Variants in BCS1L observed in about 807,000 individuals in gnomAD.
The protein encoded by BCS1L is mitochondrial chaperone BCS1.
A neutral mutation model predicts 49.3 loss-of-function variants in BCS1L; 38 were observed. The ratio of observed to expected loss-of-function variants is 0.77; its 90% CI spans 0.59 to 1.01. The LOEUF is 1.01. BCS1L is among the 50% of genes least tolerant of loss of function. The probability of loss-of-function intolerance (pLI) is 0.00; values close to 1 mark genes in which losing one functional copy is unlikely to be tolerated. For synonymous variants in BCS1L, 193 were observed against 210.1 expected (o/e 0.92, Z 0.70); for missense variants, 394 against 540.2 (o/e 0.73, Z 2.68).
chr2:218,662,402 A>G lies in BCS1L; in HGVS notation c.720-108A>G. Reference sequence around the variant, plus strand: ...CGTGTGGAACATCAGGGTGTGAGGTAGAAGTCAGGCCTCTGAGACACATGT... The same window carrying G: ...CGTGTGGAACATCAGGGTGTGAGGTGGAAGTCAGGCCTCTGAGACACATGT... On this transcript the variant is annotated intron_variant, in intron 5 of 7. Transcript: ENST00000359273. The surrounding 1 kb of genome is among the most constrained non-coding windows in gnomAD (Gnocchi z 5.8). 1 of 1,516,004 alleles carries G rather than the reference A, an allele frequency of 6.6e-7. No homozygotes were observed. The highest frequency in any genetic ancestry group is 1.1e-5 in the South Asian group (1 of 88,820). The allele number at this position is 1,516,004 out of a possible 1,614,324, so 93.9% of individuals were successfully genotyped here.
chr2:218,662,442 G>A lies in BCS1L; in HGVS notation c.720-68G>A, dbSNP rs1341230771. 6 of 1,597,862 alleles carry A rather than the reference G, an allele frequency of 3.8e-6. No individual in the cohort carries two copies. Among genetic ancestry groups the A allele is most frequent in the African/African-American group, 1.3e-5 (1 of 74,592 alleles). Reference sequence around the variant, plus strand: ...GAGACACATGTCCCCAGGCGGTGAGGAGAGTAGCTGGGCCTGAGGAAGCAT... The same window carrying A: ...GAGACACATGTCCCCAGGCGGTGAGAAGAGTAGCTGGGCCTGAGGAAGCAT... On this transcript the variant is annotated intron_variant, in intron 5 of 7. Transcript: ENST00000359273. The surrounding 1 kb of genome is among the most constrained non-coding windows in gnomAD (Gnocchi z 5.8).
Position 218,661,468 on chromosome 2 carries a change from C to G in BCS1L, c.383C>G (p.Thr128Arg). 1 of 1,614,154 alleles carries G rather than the reference C, an allele frequency of 6.2e-7. No homozygotes were observed. The highest frequency in any genetic ancestry group is 1.1e-5 in the South Asian group (1 of 91,086). The change falls in exon 3 of 8, where the codon ACG becomes AGG. Residue 128 changes from threonine (T) to arginine (R), a missense_variant. By Grantham distance (71) the Thr-to-Arg change is moderately conservative. Coordinates refer to ENST00000359273, the MANE Select transcript of BCS1L (RefSeq NM_001079866.2). This position sits in a 1 kb window ranked among gnomAD's most constrained non-coding sequence, Gnocchi z 5.9. ...GAGATGCAGATGATAGACTTGCAGACGGGGACTCCTTGGGAATCTGTCACC... is the reference window on the plus strand; with the variant it reads ...GAGATGCAGATGATAGACTTGCAGAGGGGGACTCCTTGGGAATCTGTCACC... Reference protein sequence around the residue: ...SREMQMIDLQTGTPWESVTFT... With the variant: ...SREMQMIDLQRGTPWESVTFT...
Position 218,662,908 on chromosome 2 carries a change from T to G in BCS1L, c.915T>G (p.Gly305=), listed in dbSNP as rs1438039500. Residue 305 remains glycine (G), a synonymous_variant, in exon 7 of 8, where the codon GGT becomes GGG. Transcript: ENST00000359273. This position sits in a 1 kb window ranked among gnomAD's most constrained non-coding sequence, Gnocchi z 5.8. ...ACCCAGTAAAGTACCAAGGCCTAGG[T>G]CGCCTCACCTTCAGTGGACTGCTCA... ...VENPVKYQGL[G]RLTFSGLLNA... 6.2e-7 allele frequency: 1 copy of G among 1,614,066 alleles called. No homozygotes were observed. The highest frequency in any genetic ancestry group is 1.7e-5 in the Admixed American group (1 of 60,016).
Position 218,663,358 on chromosome 2 carries a change from T to C in BCS1L, c.1232T>C (p.Ile411Thr). 6.2e-7 allele frequency: 1 copy of C among 1,614,134 alleles called. No homozygotes were observed. Among genetic ancestry groups the C allele is most frequent in the Non-Finnish European group, 8.5e-7 (1 of 1,180,036 alleles). ...MLYKNDPVGA[I>T]HNAESLRR ...TATAAAAATGACCCTGTAGGGGCAA[T>C]TCACAATGCTGAGTCTCTGAGGAGG... The change falls in exon 8 of 8, where the codon ATT (isoleucine) becomes ACT (threonine). Residue 411 changes from isoleucine (I) to threonine (T), a missense_variant. Coordinates refer to ENST00000359273, the MANE Select transcript of BCS1L (RefSeq NM_001079866.2).
chr2:218,661,272 T>C lies in BCS1L; in HGVS notation c.285T>C (p.Phe95=). The C allele has an allele frequency of 6.2e-7, 1 of 1,614,218 alleles. No individual in the cohort carries two copies. Residue 95 remains phenylalanine, a synonymous_variant, in exon 2 of 8, where the codon TTT becomes TTC. Coordinates refer to ENST00000359273, the MANE Select transcript of BCS1L (RefSeq NM_001079866.2). This position sits in a 1 kb window ranked among gnomAD's most constrained non-coding sequence, Gnocchi z 5.9. ...QHESGRISTK[F]EFVPSPGNHF... is the part of the protein sequence containing the mutation. The stretch of plus-strand genomic sequence containing the variant: ...AGAGTGGCCGCATTTCCACTAAGTT[T>C]GAATTTGTCCCCAGCCCTGGAAACC...
Position 218,662,735 on chromosome 2 carries a change from A to C in BCS1L, c.889+56A>C. 1 of 1,613,114 alleles carries C rather than the reference A, an allele frequency of 6.2e-7. No homozygotes were observed. The highest frequency in any genetic ancestry group is 8.5e-7 in the Non-Finnish European group (1 of 1,179,408). On this transcript the variant is annotated intron_variant, in intron 6 of 7. Transcript: ENST00000359273. The surrounding 1 kb of genome is among the most constrained non-coding windows in gnomAD (Gnocchi z 5.8). Reference sequence around the variant, plus strand: ...GGGTAACTGTGGAACAGGGGAAGAAAGCAGAAATCCAGAGGGCTGGTGGAA... The same window carrying C: ...GGGTAACTGTGGAACAGGGGAAGAACGCAGAAATCCAGAGGGCTGGTGGAA...
Position 218,661,644 on chromosome 2 carries a change from G to C in BCS1L, c.460+99G>C, listed in dbSNP as rs1939460026. 3 of 1,582,426 alleles carry C rather than the reference G, an allele frequency of 1.9e-6. No individual in the cohort carries two copies. The highest frequency in any genetic ancestry group is 2.6e-6 in the Non-Finnish European group (3 of 1,163,832). ...GGAGAAGTGGAATAAGCAGGCCGGG[G>C]TGAGCCCATGGGAACAGGGGGCCAG... On this transcript the variant is annotated intron_variant, in intron 3 of 7. Transcript: ENST00000359273. The surrounding 1 kb of genome is among the most constrained non-coding windows in gnomAD (Gnocchi z 5.9).
chr2:218,661,796 C>T lies in BCS1L; in HGVS notation c.498C>T (p.Thr166=), dbSNP rs144714144. The T allele has an allele frequency of 2.4e-5, 38 of 1,611,456 alleles. No homozygotes were observed. Among genetic ancestry groups the T allele is most frequent in the East Asian group, 6.7e-5 (3 of 44,832 alleles). Residue 166 remains threonine (T), a synonymous_variant, in exon 4 of 8, where the codon ACC becomes ACT. Coordinates refer to ENST00000359273, the MANE Select transcript of BCS1L (RefSeq NM_001079866.2). The surrounding 1 kb of genome is among the most constrained non-coding windows in gnomAD (Gnocchi z 5.9). ...CCTTGCAGCAGGAGGAAGGGAAGAC[C>T]GTGATGTACACAGCTGTGGGCTCTG... ...ELALQQEEGK[T]VMYTAVGSEW...
rs745537383 is a variant in BCS1L, at chr2:218,661,751, C to T, written c.461-8C>T. ...ATTATTGGCTTTATCTCATCTTCTC[C>T]TTCCCAGCTCGAGAGCTAGCCTTGC... On this transcript the variant is annotated splice_region_variant and splice_polypyrimidine_tract_variant and intron_variant, in intron 3 of 7. Transcript: ENST00000359273. This position sits in a 1 kb window ranked among gnomAD's most constrained non-coding sequence, Gnocchi z 5.9. The T allele has an allele frequency of 6.2e-7, 1 of 1,608,454 alleles. No individual in the cohort carries two copies. Among genetic ancestry groups the T allele is most frequent in the Admixed American group, 1.7e-5 (1 of 59,736 alleles).
Position 218,661,693 on chromosome 2 carries a change from C to T in BCS1L, c.461-66C>T. 6.3e-7 allele frequency: 1 copy of T among 1,588,574 alleles called. No individual in the cohort carries two copies. Among genetic ancestry groups the T allele is most frequent in the Non-Finnish European group, 8.6e-7 (1 of 1,165,688 alleles). On this transcript the variant is annotated intron_variant, in intron 3 of 7. Coordinates refer to ENST00000359273, the MANE Select transcript of BCS1L (RefSeq NM_001079866.2). This position sits in a 1 kb window ranked among gnomAD's most constrained non-coding sequence, Gnocchi z 5.9. The stretch of plus-strand genomic sequence containing the variant: ...AGAAGGAAGCTGTTTGGCACAGCTC[C>T]ACCTAATTGAAGAATCAGCCATGGT...
Position 218,662,596 on chromosome 2 carries a change from TG to T in BCS1L, c.807del (p.Leu270Ter). 1 of 1,614,208 alleles carries T rather than the reference TG, an allele frequency of 6.2e-7. No individual in the cohort carries two copies. The highest frequency in any genetic ancestry group is 8.5e-7 in the Non-Finnish European group (1 of 1,180,032). ...SSLSDDRLNH[L>X]LSVAPQQSLV... ...CTCTCTGATGACCGACTCAACCACC[TG>T]CTGAGCGTGGCCCCGCAGCAGAGCC... On this transcript the variant is annotated frameshift_variant, in exon 6 of 8. Transcript: ENST00000359273. LOFTEE classifies it high-confidence loss of function. This position sits in a 1 kb window ranked among gnomAD's most constrained non-coding sequence, Gnocchi z 5.8.
chr2:218,663,440 ACTACT>A, exon 8 of BCS1L: 1 of 1,609,038 alleles, frequency 6.2e-7, no homozygotes, highest in African/African-American at 1.3e-5. Context: ...CATCTGCCAC[ACTACT>A]CTGCTCTCTC....
At position 218,661,531 on chromosome 2, in the gene BCS1L, A is replaced by G. The variant is rs767694386; in HGVS notation, c.446A>G (p.Asn149Ser). The G allele has an allele frequency of 6.2e-7, 1 of 1,614,180 alleles. No homozygotes were observed. The part of the protein sequence containing the change: ...ALGTDRKVFF[N>S]ILEEARELAL... ...GGCACTGACCGAAAGGTTTTCTTCA[A>G]CATCCTGGAGGAAGGTGTGGGATGG... Residue 149 changes from asparagine to serine, a missense_variant, in exon 3 of 8, where the codon AAC becomes AGC. Coordinates refer to ENST00000359273, the MANE Select transcript of BCS1L (RefSeq NM_001079866.2). This position sits in a 1 kb window ranked among gnomAD's most constrained non-coding sequence, Gnocchi z 5.9.
In BCS1L at chr2:218,662,716, C is replaced by G; in HGVS notation, c.889+37C>G. On this transcript the variant is annotated intron_variant, in intron 6 of 7. Coordinates refer to ENST00000359273, the MANE Select transcript of BCS1L (RefSeq NM_001079866.2). The surrounding 1 kb of genome is among the most constrained non-coding windows in gnomAD (Gnocchi z 5.8). The stretch of plus-strand genomic sequence containing the variant: ...GTTCTGGAGGAAGTGGAGTGGGTAA[C>G]TGTGGAACAGGGGAAGAAAGCAGAA... 3 of 1,613,784 alleles carry G rather than the reference C, an allele frequency of 1.9e-6. No homozygotes were observed. Among genetic ancestry groups the G allele is most frequent in the Non-Finnish European group, 2.5e-6 (3 of 1,179,926 alleles).
At position 218,659,879 on chromosome 2, in the gene BCS1L, A is replaced by G. The variant is rs1353590696; in HGVS notation, c.-50+136A>G. On this transcript the variant is annotated intron_variant, in intron 1 of 7. Coordinates refer to ENST00000359273, the MANE Select transcript of BCS1L (RefSeq NM_001079866.2). This position sits in a 1 kb window ranked among gnomAD's most constrained non-coding sequence, Gnocchi z 4.4. ...GGGAGAGCTTTGTCTGTGGCCTTCC[A>G]TGCATAGGTGTTTTGGAATTCTGGA... The G allele has an allele frequency of 2.0e-5, 3 of 152,220 alleles. No homozygotes were observed. Among genetic ancestry groups the G allele is most frequent in the Non-Finnish European group, 4.4e-5 (3 of 68,140 alleles). The allele number at this position is 152,220 out of a possible 1,614,324, so 9.4% of individuals were successfully genotyped here.
rs141298996 is a variant in BCS1L at position 218,662,377 on chromosome 2, C to G, written c.719+117C>G. ...ATCGGGGACCAGGATAAACATGAAA[C>G]GTGTGGAACATCAGGGTGTGAGGTA... On this transcript the variant is annotated intron_variant, in intron 5 of 7. Transcript: ENST00000359273. The surrounding 1 kb of genome is among the most constrained non-coding windows in gnomAD (Gnocchi z 5.8). The G allele has an allele frequency of 6.8e-7, 1 of 1,478,416 alleles. No homozygotes were observed. Among genetic ancestry groups the G allele is most frequent in the African/African-American group, 1.4e-5 (1 of 71,920 alleles). 91.6% of individuals were successfully genotyped at this position (1,478,416 alleles called of 1,614,324 possible).
rs1305475209 is a variant in BCS1L, at chr2:218,662,800, A to G, written c.890-83A>G. 3 of 1,582,524 alleles carry G rather than the reference A, an allele frequency of 1.9e-6. No individual in the cohort carries two copies. Among genetic ancestry groups the G allele is most frequent in the Non-Finnish European group, 2.6e-6 (3 of 1,151,986 alleles). On this transcript the variant is annotated intron_variant, in intron 6 of 7. Coordinates refer to ENST00000359273, the MANE Select transcript of BCS1L (RefSeq NM_001079866.2). This position sits in a 1 kb window ranked among gnomAD's most constrained non-coding sequence, Gnocchi z 5.8. The stretch of plus-strand genomic sequence containing the variant: ...TGACAAGAGCCCACAAGACACATGG[A>G]TAAGTAGGGGAACATAGTGGGGCAT...
rs377378571 is a variant in BCS1L at position 218,663,160 on chromosome 2, G to A, written c.1034G>A (p.Gly345Glu). 3 of 1,614,088 alleles carry A rather than the reference G, an allele frequency of 1.9e-6. No homozygotes were observed. Among genetic ancestry groups the A allele is most frequent in the Non-Finnish European group, 2.5e-6 (3 of 1,180,034 alleles). The change falls in exon 8 of 8, where the codon GGG (glycine) becomes GAG (glutamate). Residue 345 changes from glycine to glutamate, a missense_variant. Gly to Glu is a moderately conservative substitution (Grantham distance 98). Transcript: ENST00000359273. ...DRLDPALIRP[G>E]RVDLKEYVGY... ...CTGGACCCTGCCCTGATACGCCCGG[G>A]GCGAGTGGACCTGAAGGAGTACGTG...
intron 7 of BCS1L, 64 bp downstream of exon 7, chr2:218,663,064 GA>G (rs1939665662): frequency 2.5e-6 from 4 of 1,614,080 alleles, no homozygotes; most frequent in Non-Finnish European, 3.4e-6. Context: ...AGTGCCTTGG[GA>G]GGAACAGGAG....
Sources: gnomAD v4.1 joint callset for allele counts on GRCh38, gnomAD v4.1.1 for gene constraint, Gnocchi (gnomAD v3.1) non-coding constraint, MANE v1.5 for transcripts, NCBI Gene and HGNC (gene_info 2026-07-23, HGNC 2026-07-21) for gene names.